The following ADGRL3 variants were observed in gnomAD, a reference collection of about 807,000 sequenced individuals.
ADGRL3 encodes adhesion G protein-coupled receptor L3.
Under a neutral mutation model 153.5 loss-of-function variants are expected in ADGRL3, and 62 were observed. That is an observed-to-expected ratio of 0.40 (90% CI 0.33 to 0.50). The LOEUF is 0.50. ADGRL3 is among the 20% of genes least tolerant of loss of function. The pLI, the probability that ADGRL3 is intolerant of heterozygous loss-of-function variation, is 0.47. For synonymous variants in ADGRL3, 710 were observed against 672.5 expected, an observed-to-expected ratio of 1.06 and a Z score of -0.86; for missense variants, 1,641 against 1,859.4, an observed-to-expected ratio of 0.88 and a Z score of 2.16.
At chr4:61,359,193 C>T (rs1414620880) in intron 1 of ADGRL3, among the ~76,000 whole-genome samples, 1 of 152,128 alleles carries the variant, frequency 6.6e-6, no homozygotes, top group Admixed American at 6.5e-5. Context: ...TGCAACCAAA[C>T]GACCCTCATT....
chr4:61,246,339 T>G (rs1505681), intron 1 of ADGRL3, among the ~76,000 whole-genome samples: 1 of 151,838 alleles, frequency 6.6e-6, no homozygotes, highest in Non-Finnish European at 1.5e-5. Context: ...TGATTAATAA[T>G]AAGACTAGTT....
At chr4:61,939,731 G>A (rs934016151) in intron 15 of ADGRL3, among the ~76,000 whole-genome samples, 3 of 151,856 alleles carry the variant, frequency 2.0e-5, no homozygotes, top group Non-Finnish European at 4.4e-5. Context: ...GCCTCCCAAA[G>A]TGCTGGGATT....
chr4:61,912,930 T>C (rs2098728624), intron 13 of ADGRL3, among the ~76,000 whole-genome samples, 173 bp downstream of exon 13: 1 of 152,154 alleles, frequency 6.6e-6, no homozygotes, highest in Non-Finnish European at 1.5e-5. Context: ...GCCAATGCTC[T>C]GTCAAACAAG....
chr4:61,247,108 G>T (rs545978748), intron 1 of ADGRL3, among the ~76,000 whole-genome samples: 2 of 152,036 alleles, frequency 1.3e-5, no homozygotes, highest in Non-Finnish European at 2.9e-5. Flanking sequence ...TCTTTGCCAT[G>T]AGCATATTGG....
intron 1 of ADGRL3, among the ~76,000 whole-genome samples, chr4:61,278,871 A>C (rs975563758): frequency 1.3e-5 from 2 of 152,212 alleles, no homozygotes; most frequent in African/African-American, 2.4e-5. Context: ...GCACATATAC[A>C]AAAAGGAACA....
chr4:61,902,595 C>T (rs2098670617), intron 11 of ADGRL3, among the ~76,000 whole-genome samples: 1 of 152,092 alleles, frequency 6.6e-6, no homozygotes, highest in South Asian at 2.1e-4. Context: ...TCTCCTTGCT[C>T]ACCTCTCCAG....
chr4:61,657,095 T>TA (rs2094461710), intron 5 of ADGRL3, among the ~76,000 whole-genome samples: 1 of 152,136 alleles, frequency 6.6e-6, no homozygotes. Context: ...CAGTAGCCAA[T>TA]AAAAAACATG....
intron 9 of ADGRL3, among the ~76,000 whole-genome samples, chr4:61,843,941 C>T (rs950895579): frequency 6.7e-6 from 1 of 149,720 alleles, no homozygotes; most frequent in African/African-American, 2.5e-5. Context: ...TCACTTGAGC[C>T]TGGGAAGTTG....
At chr4:61,782,936 T>C (rs944146894) in intron 8 of ADGRL3, among the ~76,000 whole-genome samples, 1 of 152,178 alleles carries the variant, frequency 6.6e-6, no homozygotes, top group Non-Finnish European at 1.5e-5. Flanking sequence ...TAGTCACTGC[T>C]GATATTTTTC....
At chr4:62,022,087 CA>C in intron 21 of ADGRL3, among the ~76,000 whole-genome samples, 1 of 152,092 alleles carries the variant, frequency 6.6e-6, no homozygotes, top group African/African-American at 2.4e-5. Context: ...GTTGTGAATG[CA>C]AAGTAAGGTT....
intron 2 of ADGRL3, among the ~76,000 whole-genome samples, chr4:61,401,282 G>A (rs918873383): frequency 2.6e-5 from 4 of 151,838 alleles, no homozygotes; most frequent in African/African-American, 4.8e-5. Flanking sequence ...ATTAAAAAGA[G>A]TGTAACAGTA....
intron 2 of ADGRL3, among the ~76,000 whole-genome samples, chr4:61,474,933 T>C (rs369754478): frequency 7.5e-4 from 114 of 152,304 alleles, no homozygotes; most frequent in Admixed American, 4.2e-3. Context: ...CCCAGGCTTA[T>C]TAAATTACTA....
intron 18 of ADGRL3, among the ~76,000 whole-genome samples, chr4:61,981,923 A>G (rs1027634252): frequency 2.6e-5 from 4 of 152,202 alleles, no homozygotes; most frequent in African/African-American, 9.7e-5. Context: ...ATTGGGCATC[A>G]TATACTAATG....
intron 5 of ADGRL3, among the ~76,000 whole-genome samples, chr4:61,592,704 A>G (rs2098974467): frequency 6.6e-6 from 1 of 152,210 alleles, no homozygotes; most frequent in Admixed American, 6.6e-5. Context: ...CTGCTAAATT[A>G]CTTTCAAGTA....
intron 15 of ADGRL3, among the ~76,000 whole-genome samples, chr4:61,939,085 A>G (rs1382245320): frequency 6.6e-6 from 1 of 152,086 alleles, no homozygotes; most frequent in Admixed American, 6.6e-5. Context: ...AATTCACTTC[A>G]TAGAGGATTA....
chr4:62,043,600 T>A (rs1729545361), intron 24 of ADGRL3, among the ~76,000 whole-genome samples: 1 of 152,150 alleles, frequency 6.6e-6, no homozygotes, highest in Non-Finnish European at 1.5e-5. Flanking sequence ...CATGGTTTCA[T>A]AAGTAGTAGC....
intron 15 of ADGRL3, among the ~76,000 whole-genome samples, chr4:61,946,092 C>T (rs1039603558): frequency 6.6e-5 from 10 of 152,044 alleles, no homozygotes; most frequent in African/African-American, 1.4e-4. Context: ...TATATGTTTT[C>T]GGTTACCTGG....
intron 19 of ADGRL3, among the ~76,000 whole-genome samples, chr4:61,987,867 TC>T (rs36115858): frequency 0.49 from 74,077 of 151,710 alleles, 19,199 homozygotes; most frequent in Non-Finnish European, 0.58. Flanking sequence ...CTCCCTTTTC[TC>T]TCCTATTAAT....
In ADGRL3 at chr4:62,044,512, T is replaced by C; in HGVS notation, c.3777T>C (p.Ile1259=). The C allele has an allele frequency of 1.3e-6, 2 of 1,597,126 alleles. No homozygotes were observed. The highest frequency in any genetic ancestry group is 2.3e-5 in the South Asian group (2 of 87,826). Reference sequence around the variant, plus strand: ...GAAAGCAGTCAGAGTCTTCCTTTATTACTGGAGACATAAACAGTTCAGCGT... The same window carrying C: ...GAAAGCAGTCAGAGTCTTCCTTTATCACTGGAGACATAAACAGTTCAGCGT... ...TVRKQSESSF[I]TGDINSSASL... Residue 1259 remains isoleucine, a synonymous_variant, in exon 25 of 27, where the codon ATT becomes ATC. Coordinates refer to ENST00000683033, the MANE Select transcript of ADGRL3 (RefSeq NM_001387552.1).
Sources: gnomAD v4.1 joint callset for allele counts (sites outside exome capture counted in the v4.1 genomes callset) on GRCh38, gnomAD v4.1.1 for gene constraint, MANE v1.5 for transcripts, NCBI Gene and HGNC (gene_info 2026-07-23, HGNC 2026-07-21) for gene names.